STOML1: variants seen among roughly 807,000 people sequenced by gnomAD.
The protein encoded by STOML1 is stomatin like 1.
STOML1 carries 27 observed loss-of-function variants against 35.7 expected under a neutral mutation model. The ratio of observed to expected loss-of-function variants is 0.76; its 90% confidence interval spans 0.56 to 1.04. The LOEUF is 1.04. Ranked by LOEUF, STOML1 falls within the 50% of genes least tolerant of loss-of-function variation. The pLI is 0.00. For synonymous variants in STOML1, 219 were observed against 227.9 expected, an observed-to-expected ratio of 0.96 and a Z score of 0.35; for missense variants, 451 against 527.1, an observed-to-expected ratio of 0.86 and a Z score of 1.41.
At position 73,990,167 on chromosome 15, in the gene STOML1, T is replaced by C. The variant is rs2069225220; in HGVS notation, c.240+184A>G. ...CCCCTACTGGCTCCCAGTATGACTT[T>C]AGACAAGCCCAAGCCTTAGTTTCCT... On this transcript the variant is annotated intron_variant, in intron 2 of 6. Coordinates refer to ENST00000541638, the MANE Select transcript of STOML1 (RefSeq NM_004809.5). 8 of 603,738 alleles carry C rather than the reference T, an allele frequency of 1.3e-5. No individual in the cohort carries two copies. In the South Asian group the frequency reaches 1.6e-4, roughly 12 times the overall value. 37.4% of individuals were successfully genotyped at this position (603,738 alleles called of 1,614,324 possible).
chr15:73,990,082 C>T (rs756948159), intron 2 of STOML1: 22 of 377,052 alleles, frequency 5.8e-5, no homozygotes, highest in Middle Eastern at 7.7e-4. Context: ...AAGACATCTG[C>T]GTGTACCTTA....
intron 4 of STOML1, 90 bp from the exon 5 acceptor site, chr15:73,985,603 A>T (rs2069072715): frequency 7.0e-7 from 1 of 1,435,674 alleles, no homozygotes; most frequent in Non-Finnish European, 9.3e-7. Flanking sequence ...GTGCATGGAC[A>T]TGGAGGCACC....
intron 4 of STOML1, 70 bp from the exon 5 acceptor site, chr15:73,985,583 C>G (rs2069071544): frequency 6.6e-7 from 1 of 1,506,884 alleles, no homozygotes; most frequent in Admixed American, 2.3e-5. Flanking sequence ...TTTGGGCAGA[C>G]TGTGTGGCCG....
At chr15:73,991,985 T>G (rs1432505238) in intron 1 of STOML1, 106 bp downstream of exon 1, 1 of 1,426,136 alleles carries the variant, frequency 7.0e-7, no homozygotes, top group Non-Finnish European at 9.3e-7. Context: ...TCCCCCCTCG[T>G]AGGGTGCGAC....
intron 1 of STOML1, 71 bp downstream of exon 1, chr15:73,992,020 G>A: frequency 2.0e-6 from 3 of 1,479,634 alleles, no homozygotes; most frequent in East Asian, 2.6e-5. Context: ...CGACTCCTCG[G>A]AGGCAGAGAT....
At chr15:73,993,855 C>G (rs1010051360), upstream of STOML1, among the ~76,000 whole-genome samples, 4 of 152,032 alleles carry the variant, frequency 2.6e-5, no homozygotes, top group South Asian at 2.1e-4. Context: ...CTCTTCATAC[C>G]CGCTCTCCAG....
rs1362557721 is a variant in STOML1 at position 73,982,495 on chromosome 15, C to T, written c.*1442G>A. 8 of 152,650 alleles carry T rather than the reference C, an allele frequency of 5.2e-5. No individual in the cohort carries two copies. Among genetic ancestry groups the T allele is most frequent in the African/African-American group, 1.9e-4 (8 of 41,430 alleles). 9.5% of individuals were successfully genotyped at this position (152,650 alleles called of 1,614,324 possible). A position where few individuals can be genotyped will look rare whatever the true frequency, so the allele number is the denominator to read the frequency against. On this transcript the variant is annotated 3_prime_UTR_variant, in exon 7 of 7. Coordinates refer to ENST00000541638, the MANE Select transcript of STOML1 (RefSeq NM_004809.5). ...GTCTGTGCTGGGCTTTAGGGAGGTG[C>T]CTCAGGCAATGTGGAGGACCTCCAG... is the stretch of plus-strand genomic sequence containing the variant.
chr15:73,988,885 A>G lies in STOML1; in HGVS notation c.391-83T>C. 6.5e-7 allele frequency: 1 copy of G among 1,537,276 alleles called. No homozygotes were observed. The highest frequency in any genetic ancestry group is 8.8e-7 in the Non-Finnish European group (1 of 1,135,312). On this transcript the variant is annotated intron_variant, in intron 3 of 6. Transcript: ENST00000541638. This position sits in a 1 kb window ranked among gnomAD's most constrained non-coding sequence, Gnocchi z 4.8. ...AGGCCCACTGGGGCCACCCAGCTTG[A>G]ACCACCTGCTTGGCAGCTAGCTCCT...
At chr15:73,987,526 G>C (rs28664814) in intron 4 of STOML1, 1 of 152,152 alleles carries the variant, frequency 6.6e-6, no homozygotes, top group African/African-American at 2.4e-5. Flanking sequence ...TTAACACGGG[G>C]CATGGTTTTA....
chr15:73,984,815 T>C lies in STOML1; in HGVS notation c.847A>G (p.Arg283Gly), dbSNP rs1270150975. 2 of 1,614,142 alleles carry C rather than the reference T, an allele frequency of 1.2e-6. No individual in the cohort carries two copies. The highest frequency in any genetic ancestry group is 1.7e-6 in the Non-Finnish European group (2 of 1,180,018). The change falls in exon 6 of 7, where the codon AGG (arginine) becomes GGG (glycine). Residue 283 changes from arginine (R) to glycine (G), a missense_variant. Coordinates refer to ENST00000541638, the MANE Select transcript of STOML1 (RefSeq NM_004809.5). ...GCCAGAGGCTGCTTCGGACTGGACC[T>C]GGCACCAACTTGAGGGGCAGGTGGC... ...VEPPAPQVGA[R>G]SSPKQPLAEG... is the part of the protein sequence containing the mutation.
upstream of STOML1, among the ~76,000 whole-genome samples, chr15:73,992,715 G>A (rs1308323769): frequency 6.6e-6 from 1 of 152,154 alleles, no homozygotes; most frequent in Non-Finnish European, 1.5e-5. Context: ...AGGCTGAGGC[G>A]GGAGGATCTC....
chr15:73,980,429 T>G lies in STOML1; in HGVS notation c.*3508A>C, dbSNP rs2068948188. 2 of 152,220 alleles carry G rather than the reference T, an allele frequency of 1.3e-5. No homozygotes were observed. Among genetic ancestry groups the G allele is most frequent in the African/African-American group, 4.8e-5 (2 of 41,448 alleles). 9.4% of individuals were successfully genotyped at this position (152,220 alleles called of 1,614,324 possible). A position where few individuals can be genotyped will look rare whatever the true frequency, so the allele number is the denominator to read the frequency against. On this transcript the variant is annotated 3_prime_UTR_variant, in exon 7 of 7. Transcript: ENST00000541638. ...TGAATAATTTATGATACATCCATAC[T>G]GTGGAATCCTATGTAAGTACAAGAA...
Position 73,985,336 on chromosome 15 carries a change from C to A in STOML1, c.772G>T (p.Ala258Ser). 3 of 1,541,336 alleles carry A rather than the reference C, an allele frequency of 1.9e-6. No homozygotes were observed. Among genetic ancestry groups the A allele is most frequent in the Non-Finnish European group, 2.6e-6 (3 of 1,149,926 alleles). Residue 258 changes from alanine (A) to serine (S), a missense_variant, in exon 5 of 7, where the codon GCC (alanine) becomes TCC (serine). Ala to Ser is a moderately conservative substitution (Grantham distance 99). Transcript: ENST00000541638. ...TCCTCACCTGGCCCCGGGGACGGGG[C>A]ACCTCCTGCCATTGAGTTCATGCTT... ...GGSMNSMAGG[A>S]PSPGPADTVE...
At chr15:73,984,310 A>G (rs1335405122) in intron 6 of STOML1, among the ~76,000 whole-genome samples, 180 bp from the exon 7 acceptor site, 1 of 152,242 alleles carries the variant, frequency 6.6e-6, no homozygotes, top group African/African-American at 2.4e-5. Flanking sequence ...TCAGTTTCCA[A>G]ATCTGTGATG....
intron 6 of STOML1, 143 bp downstream of exon 6, chr15:73,984,516 A>G: frequency 2.1e-6 from 2 of 956,390 alleles, no homozygotes; most frequent in Non-Finnish European, 3.1e-6. Context: ...ATGCCTGGAA[A>G]TGGTGTCTGA....
intron 4 of STOML1, chr15:73,987,916 C>T (rs552099236): frequency 6.6e-6 from 1 of 152,362 alleles, no homozygotes; most frequent in Admixed American, 6.5e-5. Flanking sequence ...GTCCTCTAAC[C>T]TTGATTCCCC....
upstream of STOML1, chr15:73,992,341 G>C (rs2069310908): frequency 2.4e-6 from 3 of 1,233,128 alleles, no homozygotes; most frequent in South Asian, 8.1e-5. Flanking sequence ...GGCCACCCGC[G>C]GCGGCGCGGG....
chr15:73,994,450 C>G (rs2069375904), upstream of STOML1: 1 of 289,056 alleles, frequency 3.5e-6, no homozygotes, highest in South Asian at 5.2e-5. Flanking sequence ...CAGCTCCCGG[C>G]AGGACGTGGC....
chr15:73,990,064 AT>A, intron 2 of STOML1: 1 of 310,028 alleles, frequency 3.2e-6, no homozygotes, highest in East Asian at 6.6e-5. Context: ...AGAGAAGATA[AT>A]TTGGCAAAGA....
Sources: gnomAD v4.1 joint callset for allele counts (sites outside exome capture counted in the v4.1 genomes callset) on GRCh38, gnomAD v4.1.1 for gene constraint, Gnocchi (gnomAD v3.1) non-coding constraint, MANE v1.5 for transcripts, NCBI Gene and HGNC (gene_info 2026-07-23, HGNC 2026-07-21) for gene names.